The following GALNT13 variants were observed in gnomAD, a reference collection of about 807,000 sequenced individuals.
GALNT13 encodes the protein polypeptide N-acetylgalactosaminyltransferase 13.
A neutral mutation model predicts 64.2 loss-of-function variants in GALNT13; 28 were observed. That is an observed-to-expected ratio of 0.44 (90% CI 0.32 to 0.60). The LOEUF (loss-of-function observed/expected upper bound fraction) is 0.60. GALNT13 is among the 20% of genes least tolerant of loss of function. The probability of loss-of-function intolerance (pLI) is 0.05; values close to 1 mark genes in which losing one functional copy is unlikely to be tolerated. For synonymous variants in GALNT13, 214 were observed against 224.6 expected (o/e 0.95, Z 0.42); for missense variants, 577 against 669.8 (o/e 0.86, Z 1.53).
the GALNT13 span, among the ~76,000 whole-genome samples, chr2:153,693,879 C>G: frequency 8.2e-4 from 124 of 152,144 alleles, 1 homozygote; most frequent in African/African-American, 2.9e-3. Context: ...CTTTGGGAGG[C>G]CGAGGTGGGC....
chr2:154,081,749 C>A (rs2105415732), intron 3 of GALNT13, among the ~76,000 whole-genome samples: 2 of 151,822 alleles, frequency 1.3e-5, no homozygotes, highest in East Asian at 3.9e-4. Flanking sequence ...AGACCATTGT[C>A]AAATGACCGT....
the GALNT13 span, among the ~76,000 whole-genome samples, chr2:153,408,701 G>A: frequency 1.3e-5 from 2 of 150,998 alleles, no homozygotes; most frequent in African/African-American, 2.4e-5. Flanking sequence ...TTGCAAAAAA[G>A]ATGAAGACAA....
chr2:153,351,373 C>A, the GALNT13 span, among the ~76,000 whole-genome samples: 1 of 152,130 alleles, frequency 6.6e-6, no homozygotes, highest in Admixed American at 6.5e-5. Context: ...TTCCATTATA[C>A]CCCCTGCCCT....
At chr2:154,323,866 C>T (rs979125340) in intron 9 of GALNT13, among the ~76,000 whole-genome samples, 21 of 152,004 alleles carry the variant, frequency 1.4e-4, no homozygotes, top group Non-Finnish European at 2.6e-4. Flanking sequence ...TTTCTATGAG[C>T]AAAAGTTCTG....
chr2:154,386,826 A>G (rs1192004457), intron 9 of GALNT13, among the ~76,000 whole-genome samples: 1 of 152,088 alleles, frequency 6.6e-6, no homozygotes, highest in African/African-American at 2.4e-5. Context: ...AAGCATTTGA[A>G]TATGAGATCT....
chr2:154,408,252 G>T (rs935497781), intron 10 of GALNT13, among the ~76,000 whole-genome samples: 5 of 151,908 alleles, frequency 3.3e-5, no homozygotes, highest in Non-Finnish European at 7.4e-5. Flanking sequence ...AATTACATTT[G>T]GCACAAATAT....
the GALNT13 span, among the ~76,000 whole-genome samples, chr2:153,667,875 G>A: frequency 2.0e-5 from 3 of 152,000 alleles, no homozygotes; most frequent in African/African-American, 7.2e-5. Flanking sequence ...CTGTCTTCAA[G>A]GGACCCATCT....
the GALNT13 span, among the ~76,000 whole-genome samples, chr2:153,853,141 G>A: frequency 1.3e-5 from 2 of 152,286 alleles, no homozygotes; most frequent in Admixed American, 6.5e-5. Flanking sequence ...CATCTAGCAC[G>A]AGAGAATGAT....
the GALNT13 span, among the ~76,000 whole-genome samples, chr2:153,825,887 A>G: frequency 6.6e-6 from 1 of 152,158 alleles, no homozygotes; most frequent in Non-Finnish European, 1.5e-5. Context: ...TTGGTGTCTT[A>G]GTCTACTTTC....
chr2:154,415,437 G>A (rs1699969252), intron 11 of GALNT13, among the ~76,000 whole-genome samples: 1 of 152,044 alleles, frequency 6.6e-6, no homozygotes, highest in Admixed American at 6.6e-5. Flanking sequence ...CTCATTTGAA[G>A]ACAGCTAGAA....
At chr2:153,702,476 A>T in the GALNT13 span, among the ~76,000 whole-genome samples, 1 of 152,136 alleles carries the variant, frequency 6.6e-6, no homozygotes. Flanking sequence ...TAAAATAAAT[A>T]AATAAAAAAT....
the GALNT13 span, among the ~76,000 whole-genome samples, chr2:153,719,198 A>G: frequency 6.6e-6 from 1 of 152,152 alleles, no homozygotes; most frequent in Non-Finnish European, 1.5e-5. Context: ...AGCTTGGAAA[A>G]GGGAAGACCA....
chr2:153,152,711 G>A, the GALNT13 span, among the ~76,000 whole-genome samples: 8 of 151,956 alleles, frequency 5.3e-5, no homozygotes, highest in Non-Finnish European at 7.4e-5. Flanking sequence ...CTCCAGCTCC[G>A]TCCATGTTCC....
the GALNT13 span, among the ~76,000 whole-genome samples, chr2:153,758,194 C>A: frequency 2.6e-5 from 4 of 151,952 alleles, no homozygotes; most frequent in Non-Finnish European, 5.9e-5. Context: ...TATTCTTTTG[C>A]ATGTGAATAC....
chr2:153,657,066 T>C, the GALNT13 span, among the ~76,000 whole-genome samples: 1 of 152,072 alleles, frequency 6.6e-6, no homozygotes, highest in Admixed American at 6.6e-5. Flanking sequence ...TATAGCGGTG[T>C]TGGGCATAGC....
chr2:153,105,949 T>C, the GALNT13 span, among the ~76,000 whole-genome samples: 1 of 152,186 alleles, frequency 6.6e-6, no homozygotes, highest in African/African-American at 2.4e-5. Context: ...GAATGTTTTC[T>C]TTATATGTTG....
chr2:153,671,822 AC>A, the GALNT13 span, among the ~76,000 whole-genome samples: 1 of 152,164 alleles, frequency 6.6e-6, no homozygotes. Context: ...ATGTGCAAAG[AC>A]ACACGTAGGC....
chr2:153,966,334 T>C (rs1423012870), intron 3 of GALNT13, among the ~76,000 whole-genome samples: 2 of 151,308 alleles, frequency 1.3e-5, no homozygotes, highest in East Asian at 2.0e-4. Flanking sequence ...TTTCTTAATA[T>C]GCTATTTGCT....
At chr2:153,884,153 C>G (rs1002716580) in intron 1 of GALNT13, among the ~76,000 whole-genome samples, 6 of 151,642 alleles carry the variant, frequency 4.0e-5, no homozygotes, top group Non-Finnish European at 7.4e-5. Context: ...AGATAACCAA[C>G]AAGAGGAATA....
Sources: allele counts gnomAD v4.1 joint callset (sites outside exome capture counted in the v4.1 genomes callset), GRCh38; gene constraint gnomAD v4.1.1; transcripts MANE v1.5; gene names NCBI Gene and HGNC (gene_info 2026-07-23, HGNC 2026-07-21).